MIA3: variants seen among roughly 807,000 people sequenced by gnomAD.
The protein encoded by MIA3 is transport and Golgi organization protein 1 homolog.
Under a neutral mutation model 192.4 loss-of-function variants are expected in MIA3, and 90 were observed. That is an observed-to-expected ratio of 0.47 (90% CI 0.39 to 0.56). MIA3 has a LOEUF of 0.56. MIA3 is among the 20% of genes least tolerant of loss of function. MIA3 has a pLI of 0.00. For synonymous variants in MIA3, 740 were observed against 792.8 expected (o/e 0.93, Z 1.12); for missense variants, 2,123 against 2,269.4 (o/e 0.94, Z 1.31).
intron 18 of MIA3, among the ~76,000 whole-genome samples, chr1:222,655,877 C>A (rs1663690432): frequency 6.6e-6 from 1 of 152,038 alleles, no homozygotes. Flanking sequence ...CTACTGTCCA[C>A]CCCTAAAGTC....
In MIA3 at chr1:222,630,321, C is replaced by G; in HGVS notation, c.3101C>G (p.Thr1034Arg). The G allele has an allele frequency of 6.2e-7, 1 of 1,614,140 alleles. No homozygotes were observed. Among genetic ancestry groups the G allele is most frequent in the Non-Finnish European group, 8.5e-7 (1 of 1,180,002 alleles). ...LIYFVRYKHS[T>R]AEETATLVMA... ...TATTTTGTCAGGTACAAGCACTCCA[C>G]AGCAGAGGAGACAGCCACACTGGTG... The change falls in exon 4 of 28, where the codon ACA becomes AGA. Residue 1034 changes from threonine to arginine, a missense_variant. By Grantham distance (71) the Thr-to-Arg change is moderately conservative. Transcript: ENST00000344922.
chr1:222,632,380 C>G, intron 5 of MIA3, 54 bp downstream of exon 5: 6 of 1,460,288 alleles, frequency 4.1e-6, no homozygotes, highest in Non-Finnish European at 5.6e-6. Context: ...AGAAGGCCTT[C>G]TAGGAGATTC....
In MIA3 at chr1:222,664,061, G is replaced by A. The variant is rs759188364; in HGVS notation, c.5326G>A (p.Gly1776Arg). 1.9e-6 allele frequency: 3 copies of A among 1,613,956 alleles called. No homozygotes were observed. The South Asian group carries it at 3.3e-5, about 18-fold the overall frequency. ...PGVPLMSTPM[G>R]GPVPPPIRYG... ...AGTCCCTCTCATGAGCACCCCCATG[G>A]GAGGCCCTGTACCACCACCCATTCG... Residue 1776 changes from glycine to arginine, a missense_variant, in exon 27 of 28, where the codon GGA becomes AGA. Gly to Arg is a moderately radical substitution (Grantham distance 125). This residue lies in a region of MIA3 where 762 missense variants were observed against 856.4 expected (regional missense o/e 0.89). Transcript: ENST00000344922.
intron 8 of MIA3, 95 bp from the exon 9 acceptor site, chr1:222,650,197 A>G: frequency 1.3e-6 from 1 of 755,364 alleles, no homozygotes; most frequent in Non-Finnish European, 2.4e-6. Flanking sequence ...ATTTTTTGTC[A>G]TAGTGCAAGA....
At chr1:222,646,413 C>CA (rs370502614) in intron 7 of MIA3, among the ~76,000 whole-genome samples, 256 of 85,208 alleles carry the variant, frequency 3.0e-3, no homozygotes, top group Admixed American at 6.1e-3. Context: ...GACTCCATCT[C>CA]AAAAAAAAAA....
rs1335968419 is a variant in MIA3, at chr1:222,628,249, A to G, written c.1029A>G (p.Ala343=). ...ATGGGGAAGATATGAAAACTCCAGCAAAGTCTGGCGTTGAGAAATATCCAA... is the reference window on the plus strand; with the variant it reads ...ATGGGGAAGATATGAAAACTCCAGCGAAGTCTGGCGTTGAGAAATATCCAA... ...FTDGEDMKTP[A]KSGVEKYPTD... is the part of the protein sequence containing the mutation. Residue 343 remains alanine (A), a synonymous_variant, in exon 4 of 28, where the codon GCA becomes GCG. Coordinates refer to ENST00000344922, the MANE Select transcript of MIA3 (RefSeq NM_198551.4). The G allele has an allele frequency of 9.9e-6, 16 of 1,614,170 alleles. No homozygotes were observed. The highest frequency in any genetic ancestry group is 8.5e-7 in the Non-Finnish European group (1 of 1,180,028).
At chr1:222,663,845 G>T (rs777739213) in intron 26 of MIA3, 153 bp from the exon 27 acceptor site, 44 of 689,144 alleles carry the variant, frequency 6.4e-5, no homozygotes, top group Non-Finnish European at 9.5e-5. Flanking sequence ...TTGTCAGTGG[G>T]AACAAATGAG....
intron 4 of MIA3, 66 bp downstream of exon 4, chr1:222,630,455 C>G: frequency 6.7e-7 from 1 of 1,483,556 alleles, no homozygotes; most frequent in Non-Finnish European, 9.1e-7. Context: ...TGAGGTGCCT[C>G]CTATCTTGTG....
At position 222,659,981 on chromosome 1, in the gene MIA3, AAAT is replaced by A. The variant is rs763557458; in HGVS notation, c.4952_4954del (p.Asn1651del). ...TTGTAAAACCAATGCCAGGAAAACCAAATACACAAAACCCTCCACGGAGAGGTA... is the reference window on the plus strand; with the variant it reads ...TTGTAAAACCAATGCCAGGAAAACCAACACAAAACCCTCCACGGAGAGGTA... On this transcript the variant is annotated inframe_deletion, in exon 23 of 28. Transcript: ENST00000344922. 1.2e-6 allele frequency: 2 copies of A among 1,613,696 alleles called. No homozygotes were observed. Among genetic ancestry groups the A allele is most frequent in the Non-Finnish European group, 1.7e-6 (2 of 1,179,692 alleles).
chr1:222,667,909 T>C lies in MIA3; in HGVS notation c.*2290T>C, dbSNP rs1664359700. On this transcript the variant is annotated 3_prime_UTR_variant, in exon 28 of 28. Coordinates refer to ENST00000344922, the MANE Select transcript of MIA3 (RefSeq NM_198551.4). The stretch of plus-strand genomic sequence containing the variant: ...GATTTTTTTCATTGGAAAGTAAATT[T>C]AAGTAATTCGTGGGATGTGGTATAT... 2.0e-5 allele frequency: 3 copies of C among 152,368 alleles called. No homozygotes were observed. The highest frequency in any genetic ancestry group is 1.9e-4 in the East Asian group (1 of 5,184). 9.4% of individuals were successfully genotyped at this position (152,368 alleles called of 1,614,324 possible). A position where few individuals can be genotyped will look rare whatever the true frequency, so the allele number is the denominator to read the frequency against.
In MIA3 at chr1:222,644,397, G is replaced by A. The variant is rs1663023975; in HGVS notation, c.3478-1157G>A. On this transcript the variant is annotated intron_variant, in intron 6 of 27. Transcript: ENST00000344922. ...CCGCCCCCTGAATTGGGGCCTTTCC[G>A]GAGGAGGAAGCTCTGAAAAACAGGG... 3.9e-6 allele frequency: 6 copies of A among 1,537,252 alleles called. No individual in the cohort carries two copies. In the South Asian group the frequency reaches 7.2e-5, roughly 18 times the overall value.
chr1:222,658,996 T>G, intron 19 of MIA3, 173 bp downstream of exon 19: 1 of 516,440 alleles, frequency 1.9e-6, no homozygotes, highest in Non-Finnish European at 3.5e-6. Flanking sequence ...TACCCAGTGC[T>G]GGCAAAACTG....
chr1:222,665,567 C>G lies in MIA3; in HGVS notation c.5672C>G (p.Ala1891Gly). 1 of 1,613,908 alleles carries G rather than the reference C, an allele frequency of 6.2e-7. No homozygotes were observed. Among genetic ancestry groups the G allele is most frequent in the Non-Finnish European group, 8.5e-7 (1 of 1,179,862 alleles). The change falls in exon 28 of 28, where the codon GCC (alanine) becomes GGC (glycine). Residue 1891 changes from alanine (A) to glycine (G), a missense_variant. By Grantham distance (60) the Ala-to-Gly change is moderately conservative. Around this residue, in one of 3 missense-constraint regions of MIA3, gnomAD observed 762 missense variants for 856.4 expected, o/e 0.89. Coordinates refer to ENST00000344922, the MANE Select transcript of MIA3 (RefSeq NM_198551.4). ...PSGSRDEPPP[A>G]SQSTSQDCSQ... ...GGCTCTAGAGATGAGCCTCCACCTG[C>G]CTCTCAGAGCACTAGCCAGGACTGT...
chr1:222,659,497 G>A lies in MIA3; in HGVS notation c.4754G>A (p.Arg1585Gln), dbSNP rs777199238. The A allele has an allele frequency of 1.8e-5, 29 of 1,613,662 alleles. No homozygotes were observed. The highest frequency in any genetic ancestry group is 3.3e-5 in the Admixed American group (2 of 59,996). ...GAGGATGAATTACAGAAGACAGAGC[G>A]GTCATTTAAAAACCAGGTAATAATT... ...EMEDELQKTE[R>Q]SFKNQIATHE... The change falls in exon 20 of 28, where the codon CGG becomes CAG. Residue 1585 changes from arginine (R) to glutamine (Q), a missense_variant. Arg to Gln is a conservative substitution (Grantham distance 43). This residue lies in a region of MIA3 where 762 missense variants were observed against 856.4 expected (regional missense o/e 0.89). Coordinates refer to ENST00000344922, the MANE Select transcript of MIA3 (RefSeq NM_198551.4).
At chr1:222,635,310 G>A (rs1475793958) in intron 6 of MIA3, among the ~76,000 whole-genome samples, 4 of 152,170 alleles carry the variant, frequency 2.6e-5, no homozygotes, top group Admixed American at 6.5e-5. Context: ...TTCTAGATAC[G>A]CACAGAGCCC....
At chr1:222,621,421 A>G in intron 2 of MIA3, 129 bp downstream of exon 2, 1 of 917,448 alleles carries the variant, frequency 1.1e-6, no homozygotes, top group South Asian at 1.7e-5. Context: ...TGACTGTGAA[A>G]AAAGATGGCC....
intron 18 of MIA3, among the ~76,000 whole-genome samples, chr1:222,657,622 C>T (rs1211325441): frequency 6.6e-6 from 1 of 152,210 alleles, no homozygotes; most frequent in African/African-American, 2.4e-5. Flanking sequence ...TCTCTTGAAT[C>T]CTTCTTCAAG....
intron 6 of MIA3, 130 bp downstream of exon 6, chr1:222,633,379 T>A: frequency 1.3e-6 from 1 of 763,396 alleles, no homozygotes; most frequent in South Asian, 1.9e-5. Flanking sequence ...AGAGAGACCC[T>A]GAAATGAGCC....
At chr1:222,633,483 T>G (rs905348259) in intron 6 of MIA3, among the ~76,000 whole-genome samples, 1 of 152,170 alleles carries the variant, frequency 6.6e-6, no homozygotes, top group South Asian at 2.1e-4. Flanking sequence ...TCAAACGTGG[T>G]TCTTCCTTTC....
Sources: gnomAD v4.1 joint callset for allele counts (sites outside exome capture counted in the v4.1 genomes callset) on GRCh38, gnomAD v4.1.1 for gene constraint, gnomAD v4.1.1 regional missense constraint, MANE v1.5 for transcripts, NCBI Gene and HGNC (gene_info 2026-07-23, HGNC 2026-07-21) for gene names.